SEPTIN7: variants seen among roughly 807,000 people sequenced by gnomAD.
The protein encoded by SEPTIN7 is septin-7.
Under a neutral mutation model 63.3 loss-of-function variants are expected in SEPTIN7, and 10 were observed. That is an observed-to-expected ratio of 0.16 (90% CI 0.10 to 0.27). The LOEUF is 0.27. Among genes scored for constraint, SEPTIN7 ranks in the 10% least tolerant of loss-of-function variants. SEPTIN7 has a pLI of 1.00. For missense variants in SEPTIN7, 310 were observed against 521.0 expected, an observed-to-expected ratio of 0.59 and a Z score of 3.94; for synonymous variants, 131 against 165.3, an observed-to-expected ratio of 0.79 and a Z score of 1.59.
At chr7:35,814,863 T>C (rs1390869901) in intron 1 of SEPTIN7, among the ~76,000 whole-genome samples, 2 of 151,648 alleles carry the variant, frequency 1.3e-5, no homozygotes. Context: ...TAGTCCCAGC[T>C]ACTCGGGAGG....
chr7:35,883,783 TA>T, intron 8 of SEPTIN7, 107 bp from the exon 9 acceptor site: 1 of 530,306 alleles, frequency 1.9e-6, no homozygotes, highest in Non-Finnish European at 3.2e-6. Context: ...CTATCGAAAG[TA>T]AATTTTTTTT....
At chr7:35,827,841 C>A (rs942353355) in intron 1 of SEPTIN7, among the ~76,000 whole-genome samples, 20 of 152,122 alleles carry the variant, frequency 1.3e-4, no homozygotes, top group African/African-American at 4.3e-4. Context: ...AGCTTCAGAG[C>A]CATATTTTTG....
rs1486610866 is a variant in SEPTIN7, at chr7:35,801,190, G to C, written c.-20G>C. ...GGCGGGCTGCGCTCCGCTGGGGCTG[G>C]TCGCGGAGGGGGGGAGGGGATGTCG... On this transcript the variant is annotated 5_prime_UTR_variant, in exon 1 of 14. Transcript: ENST00000350320. 1 of 1,492,484 alleles carries C rather than the reference G, an allele frequency of 6.7e-7. No homozygotes were observed. Among genetic ancestry groups the C allele is most frequent in the East Asian group, 2.9e-5 (1 of 34,642 alleles). The allele number at this position is 1,492,484 out of a possible 1,614,324, so 92.5% of individuals were successfully genotyped here.
chr7:35,805,760 A>G (rs1485566140), intron 1 of SEPTIN7, among the ~76,000 whole-genome samples: 3 of 152,086 alleles, frequency 2.0e-5, no homozygotes, highest in East Asian at 1.9e-4. Flanking sequence ...ATTTTATTCA[A>G]TGTTTGTTTG....
chr7:35,895,949 T>C (rs1787935950), intron 11 of SEPTIN7, among the ~76,000 whole-genome samples: 1 of 152,192 alleles, frequency 6.6e-6, no homozygotes, highest in African/African-American at 2.4e-5. Context: ...TAGCTGGAAT[T>C]ACAGGCGTGT....
At chr7:35,803,031 C>A in intron 1 of SEPTIN7, 1 of 291,176 alleles carries the variant, frequency 3.4e-6, no homozygotes. Context: ...ACATATTTTA[C>A]CACATCTTAG....
downstream of SEPTIN7, among the ~76,000 whole-genome samples, chr7:35,909,883 G>A (rs1788709320): frequency 6.6e-6 from 1 of 152,244 alleles, no homozygotes; most frequent in Non-Finnish European, 1.5e-5. Context: ...CTTAGTTTCT[G>A]CAGGTTAGGA....
intron 12 of SEPTIN7, chr7:35,900,083 T>A (rs1209592304): frequency 6.6e-6 from 1 of 152,228 alleles, no homozygotes; most frequent in Non-Finnish European, 1.5e-5. Context: ...GCATAAAATA[T>A]GGAAACCTTT....
rs567613003 is a variant in SEPTIN7 at position 35,811,288 on chromosome 7, G to A, written c.61+10018G>A. Among the ~76,000 whole-genome samples the A allele has an allele frequency of 5.3e-5, 8 of 151,960 alleles. No homozygotes were observed. In the East Asian group the frequency reaches 9.7e-4, roughly 18 times the overall value. On this transcript the variant is annotated intron_variant, in intron 1 of 13. Coordinates refer to ENST00000350320, the MANE Select transcript of SEPTIN7 (RefSeq NM_001788.6). ...TGGGGTATGAGGCGATCTATACAAG[G>A]AAAAATTTTCCAGAAACTAATGTTC...
chr7:35,865,850 C>A (rs552976618), intron 4 of SEPTIN7, among the ~76,000 whole-genome samples: 148 of 152,156 alleles, frequency 9.7e-4, no homozygotes, highest in African/African-American at 3.4e-3. Flanking sequence ...TGTGACATGC[C>A]CTCAATTTAT....
intron 1 of SEPTIN7, chr7:35,815,226 A>G: frequency 2.5e-6 from 1 of 403,868 alleles, no homozygotes; most frequent in South Asian, 1.8e-5. Context: ...GAGTCCAGCA[A>G]CCTTTTTTTG....
intron 7 of SEPTIN7, among the ~76,000 whole-genome samples, chr7:35,881,300 T>C (rs1409609822): frequency 1.3e-5 from 2 of 151,924 alleles, no homozygotes; most frequent in East Asian, 1.9e-4. Flanking sequence ...TTGTTTATTA[T>C]GTGTTTCGAT....
chr7:35,889,319 A>T (rs1787491962), intron 10 of SEPTIN7, among the ~76,000 whole-genome samples: 1 of 152,170 alleles, frequency 6.6e-6, no homozygotes, highest in Non-Finnish European at 1.5e-5. Flanking sequence ...AGAGAACGTG[A>T]ATTTATTGAG....
intron 1 of SEPTIN7, among the ~76,000 whole-genome samples, chr7:35,811,724 T>C (rs1267819605): frequency 6.6e-6 from 1 of 152,092 alleles, no homozygotes; most frequent in Non-Finnish European, 1.5e-5. Flanking sequence ...CTGTTTCTAC[T>C]AAAAATACAA....
intron 1 of SEPTIN7, among the ~76,000 whole-genome samples, chr7:35,823,359 G>A (rs555801002): frequency 2.0e-5 from 3 of 152,086 alleles, no homozygotes; most frequent in East Asian, 3.9e-4. Flanking sequence ...GCATCACCAC[G>A]CCTGGCTAAT....
chr7:35,868,964 A>G (rs185924212), intron 4 of SEPTIN7, among the ~76,000 whole-genome samples: 1 of 152,326 alleles, frequency 6.6e-6, no homozygotes, highest in Admixed American at 6.5e-5. Flanking sequence ...GGGCTTGGGA[A>G]GAGCCTACTG....
At chr7:35,879,608 G>A (rs1390006718) in intron 6 of SEPTIN7, 5 of 379,094 alleles carry the variant, frequency 1.3e-5, no homozygotes, top group Admixed American at 8.5e-5. Context: ...CCAAAACCCT[G>A]TGACCAGGGT....
At chr7:35,904,189 AT>A in intron 13 of SEPTIN7, 64 bp from the exon 14 acceptor site, 1 of 1,236,644 alleles carries the variant, frequency 8.1e-7, no homozygotes, top group East Asian at 2.7e-5. Context: ...AGCTGTTGTT[AT>A]CATGTTGTCT....
intron 4 of SEPTIN7, among the ~76,000 whole-genome samples, chr7:35,869,081 TG>T (rs1785988834): frequency 6.6e-6 from 1 of 151,974 alleles, no homozygotes; most frequent in African/African-American, 2.4e-5. Context: ...AATAGAAAGA[TG>T]GGTTAATCCA....
Sources: allele counts gnomAD v4.1 joint callset (sites outside exome capture counted in the v4.1 genomes callset), GRCh38; gene constraint gnomAD v4.1.1; transcripts MANE v1.5; gene names NCBI Gene and HGNC (gene_info 2026-07-23, HGNC 2026-07-21).